The following ARHGEF3 variants were observed in gnomAD, a reference collection of about 807,000 sequenced individuals.
ARHGEF3 encodes Rho guanine nucleotide exchange factor 3.
ARHGEF3 carries 28 observed loss-of-function variants against 63.2 expected under a neutral mutation model. That is an observed-to-expected ratio of 0.44 (90% CI 0.33 to 0.61). The LOEUF is 0.61. Ranked by LOEUF, ARHGEF3 falls within the 20% of genes least tolerant of loss-of-function variation. The pLI, the probability that ARHGEF3 is intolerant of heterozygous loss-of-function variation, is 0.03. For missense variants in ARHGEF3, 533 were observed against 659.3 expected (o/e 0.81, Z 2.10); for synonymous variants, 266 against 254.2 (o/e 1.05, Z -0.44).
intron 2 of ARHGEF3, among the ~76,000 whole-genome samples, chr3:57,005,975 C>T (rs990604735): frequency 3.3e-5 from 5 of 152,180 alleles, no homozygotes; most frequent in Non-Finnish European, 4.4e-5. Context: ...AAGTGACAAA[C>T]GCATATGACA....
intron 1 of ARHGEF3, among the ~76,000 whole-genome samples, chr3:57,062,451 C>T (rs774345358): frequency 3.3e-5 from 5 of 152,126 alleles, no homozygotes; most frequent in South Asian, 2.1e-4. Flanking sequence ...AGGAGCACGG[C>T]GGCGGGGGCG....
In ARHGEF3 at chr3:56,755,249, G is replaced by C. The variant is rs891558804; in HGVS notation, c.205-98C>G. 2.2e-6 allele frequency: 3 copies of C among 1,358,152 alleles called. No individual in the cohort carries two copies. In the African/African-American group the frequency reaches 4.4e-5, roughly 20 times the overall value. 84.1% of individuals were successfully genotyped at this position (1,358,152 alleles called of 1,614,324 possible). The stretch of plus-strand genomic sequence containing the variant: ...CGTTGACGGAACATAAATCATATAT[G>C]TGAAAGAAAAAGAGGACATTGCCAC... On this transcript the variant is annotated intron_variant, in intron 2 of 9. Transcript: ENST00000296315.
chr3:56,767,029 G>T (rs1283917718), intron 2 of ARHGEF3, among the ~76,000 whole-genome samples: 1 of 152,096 alleles, frequency 6.6e-6, no homozygotes, highest in Non-Finnish European at 1.5e-5. Context: ...CAGGTCTGTG[G>T]CGAGGTGTGG....
chr3:56,860,846 G>A (rs1016133233), intron 4 of ARHGEF3, among the ~76,000 whole-genome samples: 30 of 152,184 alleles, frequency 2.0e-4, no homozygotes, highest in East Asian at 7.7e-4. Flanking sequence ...TACGTGCCAA[G>A]TTCATTTCGT....
At chr3:56,976,626 G>A (rs971925433) in intron 2 of ARHGEF3, among the ~76,000 whole-genome samples, 4 of 152,264 alleles carry the variant, frequency 2.6e-5, no homozygotes, top group Admixed American at 2.0e-4. Flanking sequence ...AGTTTAAAAT[G>A]CCAAAAATTC....
intron 2 of ARHGEF3, among the ~76,000 whole-genome samples, chr3:56,970,892 C>T (rs1005174929): frequency 6.6e-6 from 1 of 152,336 alleles, no homozygotes; most frequent in African/African-American, 2.4e-5. Context: ...ATCTCTGATT[C>T]CTAGTTCCTC....
At chr3:56,881,555 G>A (rs1041849488) in intron 4 of ARHGEF3, among the ~76,000 whole-genome samples, 4 of 152,074 alleles carry the variant, frequency 2.6e-5, no homozygotes, top group African/African-American at 9.7e-5. Flanking sequence ...GACATGTTCT[G>A]AAACAAAGCC....
At chr3:56,866,190 C>A (rs902022440) in intron 4 of ARHGEF3, among the ~76,000 whole-genome samples, 4 of 151,986 alleles carry the variant, frequency 2.6e-5, no homozygotes, top group Admixed American at 2.0e-4. Flanking sequence ...ACAAAACAAA[C>A]CCCACCTTTC....
chr3:56,798,306 T>C (rs2037469754), intron 1 of ARHGEF3, among the ~76,000 whole-genome samples: 1 of 152,200 alleles, frequency 6.6e-6, no homozygotes, highest in Non-Finnish European at 1.5e-5. Context: ...ACAAATACCA[T>C]TAACTAAATC....
chr3:56,880,815 A>G (rs1363845596), intron 4 of ARHGEF3, among the ~76,000 whole-genome samples: 1 of 152,228 alleles, frequency 6.6e-6, no homozygotes, highest in Non-Finnish European at 1.5e-5. Context: ...AAAATATTCA[A>G]TGAGTAAAGT....
At chr3:57,025,092 C>T (rs994316159) in intron 2 of ARHGEF3, among the ~76,000 whole-genome samples, 2 of 152,198 alleles carry the variant, frequency 1.3e-5, no homozygotes, top group African/African-American at 2.4e-5. Flanking sequence ...GTGGATCTGA[C>T]TCTTCAAAAC....
In ARHGEF3 at chr3:56,937,196, G is replaced by A. The variant is rs536072025; in HGVS notation, c.129+21627C>T. On this transcript the variant is annotated intron_variant, in intron 3 of 12. Transcript: ENST00000338458. ...TGCATGATCCTTGAATGATTTGGGG[G>A]AAACCAGTTATAAAAGACAACTGAG... is the stretch of plus-strand genomic sequence containing the variant. Among the ~76,000 whole-genome samples, 321 of 152,316 alleles carry A rather than the reference G, an allele frequency of 2.1e-3. 1 individual carries two copies. Among genetic ancestry groups the A allele is most frequent in the African/African-American group, 7.5e-3 (311 of 41,562 alleles).
chr3:57,014,430 T>C (rs1443309765), intron 2 of ARHGEF3, among the ~76,000 whole-genome samples: 1 of 152,176 alleles, frequency 6.6e-6, no homozygotes, highest in Non-Finnish European at 1.5e-5. Flanking sequence ...GACTCCCATA[T>C]TCCAGAAGAA....
chr3:57,047,177 G>C (rs949887515), intron 1 of ARHGEF3, among the ~76,000 whole-genome samples: 1 of 152,040 alleles, frequency 6.6e-6, no homozygotes, highest in Non-Finnish European at 1.5e-5. Flanking sequence ...GTGAAACCCC[G>C]TCTCCACTAA....
At chr3:56,968,314 A>AAAT (rs1560094757) in intron 2 of ARHGEF3, among the ~76,000 whole-genome samples, 68 of 59,428 alleles carry the variant, frequency 1.1e-3, no homozygotes, top group African/African-American at 3.9e-3. Context: ...ATATATATAA[A>AAAT]ATATATTTTA....
exon 3 of ARHGEF3, chr3:56,958,853 A>G: frequency 1.9e-6 from 3 of 1,551,680 alleles, no homozygotes; most frequent in Non-Finnish European, 2.6e-6. Context: ...TAGGAGAGGG[A>G]AACATGGGAA....
chr3:56,748,313 A>T (rs568903109), intron 6 of ARHGEF3, among the ~76,000 whole-genome samples: 1 of 152,270 alleles, frequency 6.6e-6, no homozygotes, highest in African/African-American at 2.4e-5. Flanking sequence ...TACAGACGTG[A>T]GCCACTGTGC....
intron 4 of ARHGEF3, among the ~76,000 whole-genome samples, chr3:56,861,116 GAC>G (rs2108189129): frequency 6.6e-6 from 1 of 152,304 alleles, no homozygotes; most frequent in South Asian, 2.1e-4. Flanking sequence ...CTTCCTGTAA[GAC>G]AAGTGTGATG....
chr3:56,747,740 C>T (rs1386561011), intron 6 of ARHGEF3, among the ~76,000 whole-genome samples: 3 of 152,158 alleles, frequency 2.0e-5, no homozygotes, highest in African/African-American at 4.8e-5. Flanking sequence ...ACAAGAATCG[C>T]TTGAACCCAG....
Sources: gnomAD v4.1 joint callset for allele counts (sites outside exome capture counted in the v4.1 genomes callset) on GRCh38, gnomAD v4.1.1 for gene constraint, MANE v1.5 for transcripts, NCBI Gene and HGNC (gene_info 2026-07-23, HGNC 2026-07-21) for gene names.